The following NMBR variants were observed in gnomAD, a reference collection of about 807,000 sequenced individuals.
NMBR encodes the protein neuromedin B receptor, also known as neuromedin-B receptor.
NMBR carries 16 observed loss-of-function variants against 20.5 expected under a neutral mutation model. The ratio of observed to expected loss-of-function variants is 0.78; its 90% confidence interval spans 0.53 to 1.19. The LOEUF is 1.19. Ranked by LOEUF, NMBR falls within the 50% of genes most tolerant of loss-of-function variation. The pLI, the probability that NMBR is intolerant of heterozygous loss-of-function variation, is 0.00. For synonymous variants in NMBR, 212 were observed against 196.6 expected (o/e 1.08, Z -0.65); for missense variants, 582 against 499.1 (o/e 1.17, Z -1.58).
chr6:142,075,928 G>A lies in NMBR; in HGVS notation c.893C>T (p.Pro298Leu), dbSNP rs1776934026. 6.2e-7 allele frequency: 1 copy of A among 1,613,880 alleles called. No homozygotes were observed. ...GGTGACAATCATGTGGCCTAGAGAT[G>A]GATCAATCTCATTATAGTTGAAAGA... ...YRSFNYNEIDPSLGHMIVTLV... is the reference protein window; with the variant it reads ...YRSFNYNEIDLSLGHMIVTLV... The change falls in exon 4 of 4, where the codon CCA (proline) becomes CTA (leucine). Residue 298 changes from proline to leucine, a missense_variant. Coordinates refer to ENST00000258042, the MANE Select transcript of NMBR (RefSeq NM_002511.4).
intron 1 of NMBR, among the ~76,000 whole-genome samples, chr6:142,117,456 G>T (rs1046205876): frequency 6.6e-6 from 1 of 151,814 alleles, no homozygotes; most frequent in African/African-American, 2.4e-5. Context: ...GGGAGCAAAG[G>T]TGTCTTATAA....
chr6:142,107,790 A>C (rs1279312463), intron 1 of NMBR, among the ~76,000 whole-genome samples: 1 of 152,154 alleles, frequency 6.6e-6, no homozygotes, highest in Non-Finnish European at 1.5e-5. Flanking sequence ...TCTAATATAA[A>C]TATATTTAAA....
chr6:142,141,447 T>C (rs1778359476), intron 1 of NMBR, among the ~76,000 whole-genome samples: 1 of 152,116 alleles, frequency 6.6e-6, no homozygotes, highest in Non-Finnish European at 1.5e-5. Flanking sequence ...CTAAATATTA[T>C]GTTAGAAAAG....
At chr6:142,095,180 C>T (rs11155235) in intron 1 of NMBR, among the ~76,000 whole-genome samples, 28,238 of 151,912 alleles carry the variant, frequency 0.19, 2,798 homozygotes, top group South Asian at 0.24. Context: ...CCAGAACTTC[C>T]AACACTATGT....
intron 2 of NMBR, among the ~76,000 whole-genome samples, chr6:142,079,419 A>G (rs1009617933): frequency 1.2e-4 from 19 of 152,300 alleles, no homozygotes; most frequent in Middle Eastern, 6.8e-3. Flanking sequence ...TTAAATTTGC[A>G]TTTCCTAAAT....
intron 1 of NMBR, among the ~76,000 whole-genome samples, chr6:142,093,143 G>T (rs537160852): frequency 1.3e-5 from 2 of 151,624 alleles, no homozygotes; most frequent in Non-Finnish European, 1.5e-5. Context: ...CAAAACTTAA[G>T]AATTTTTTTT....
At chr6:142,133,256 G>C in intron 1 of NMBR, 1 of 586,854 alleles carries the variant, frequency 1.7e-6, no homozygotes. Context: ...ATTTTACCCT[G>C]AATTGCATAA....
intron 2 of NMBR, among the ~76,000 whole-genome samples, chr6:142,082,599 G>C (rs962952872): frequency 6.6e-6 from 1 of 152,222 alleles, no homozygotes; most frequent in Middle Eastern, 3.2e-3. Context: ...ATTTCCAGGT[G>C]ATTCTGATGA....
chr6:142,081,651 G>C (rs1204296839), intron 2 of NMBR, among the ~76,000 whole-genome samples: 1 of 152,202 alleles, frequency 6.6e-6, no homozygotes, highest in Non-Finnish European at 1.5e-5. Flanking sequence ...TATACCAACT[G>C]TGTGTATCTT....
chr6:142,075,611 C>A lies in NMBR; in HGVS notation c.*37G>T. ...TGCCGAATAGGAATTTTAACAGTTA[C>A]TAAGTTCTCTCCAGGTAGTGAGTTG... On this transcript the variant is annotated 3_prime_UTR_variant, in exon 4 of 4. Coordinates refer to ENST00000258042, the MANE Select transcript of NMBR (RefSeq NM_002511.4). 2 of 1,546,946 alleles carry A rather than the reference C, an allele frequency of 1.3e-6. No homozygotes were observed. Among genetic ancestry groups the A allele is most frequent in the Non-Finnish European group, 1.7e-6 (2 of 1,145,152 alleles).
At chr6:142,116,592 A>C (rs991559785) in intron 1 of NMBR, among the ~76,000 whole-genome samples, 1 of 151,992 alleles carries the variant, frequency 6.6e-6, no homozygotes, top group African/African-American at 2.4e-5. Context: ...TTTGATTCCC[A>C]ACTGTTCTGT....
intron 2 of NMBR, among the ~76,000 whole-genome samples, chr6:142,079,115 AAAGAAAGAAAG>A (rs1243673088): frequency 3.9e-4 from 32 of 82,478 alleles, no homozygotes; most frequent in African/African-American, 2.5e-3. Flanking sequence ...AGAAAGAAAG[AAAGAAAGAAAG>A]AAGAAAGAAA....
intron 3 of NMBR, among the ~76,000 whole-genome samples, chr6:142,077,777 T>C (rs1582833030): frequency 6.6e-6 from 1 of 152,224 alleles, no homozygotes; most frequent in African/African-American, 2.4e-5. Flanking sequence ...GTAACTACTC[T>C]GTACCTGCAA....
chr6:142,110,562 T>C (rs1249874016), intron 1 of NMBR, among the ~76,000 whole-genome samples: 1 of 152,110 alleles, frequency 6.6e-6, no homozygotes, highest in Non-Finnish European at 1.5e-5. Context: ...GAAAGATTAG[T>C]GGTTGCCTAG....
At chr6:142,134,165 T>C (rs1037941623) in intron 1 of NMBR, 6 of 499,522 alleles carry the variant, frequency 1.2e-5, no homozygotes, top group African/African-American at 1.2e-4. Context: ...TACTTTTTCT[T>C]TAATTAGCTG....
intron 1 of NMBR, among the ~76,000 whole-genome samples, chr6:142,100,460 G>T (rs1022370553): frequency 1.3e-5 from 2 of 152,296 alleles, no homozygotes; most frequent in Non-Finnish European, 2.9e-5. Flanking sequence ...AATCTGAAAA[G>T]GCTGTGTACT....
intron 1 of NMBR, among the ~76,000 whole-genome samples, chr6:142,109,671 A>T (rs927435868): frequency 3.3e-5 from 5 of 152,060 alleles, no homozygotes; most frequent in Non-Finnish European, 7.4e-5. Flanking sequence ...CATTAGGATG[A>T]TTACAGGGAT....
At chr6:142,117,096 G>A (rs1194682152) in intron 1 of NMBR, among the ~76,000 whole-genome samples, 1 of 151,782 alleles carries the variant, frequency 6.6e-6, no homozygotes, top group Non-Finnish European at 1.5e-5. Context: ...GTACAATAAT[G>A]CTTGCGATGA....
chr6:142,087,845 A>T (rs1340368090), intron 2 of NMBR, among the ~76,000 whole-genome samples: 1 of 152,180 alleles, frequency 6.6e-6, no homozygotes, highest in African/African-American at 2.4e-5. Context: ...TTCTTACTCT[A>T]CTGCATAAAG....
Sources: gnomAD v4.1 joint callset for allele counts (sites outside exome capture counted in the v4.1 genomes callset) on GRCh38, gnomAD v4.1.1 for gene constraint, MANE v1.5 for transcripts, NCBI Gene and HGNC (gene_info 2026-07-23, HGNC 2026-07-21) for gene names.